CACNA1E: variants seen among roughly 807,000 people sequenced by gnomAD.
The protein encoded by CACNA1E is voltage-dependent R-type calcium channel subunit alpha-1E.
In CACNA1E, 40 loss-of-function variants were observed where a neutral mutation model predicts 259.2. The observed-to-expected ratio is 0.15, with a 90% CI of 0.12 to 0.20. The LOEUF is 0.20. Ranked by LOEUF, CACNA1E falls within the 10% of genes least tolerant of loss-of-function variation. The pLI, the probability that CACNA1E is intolerant of heterozygous loss-of-function variation, is 1.00. For missense variants in CACNA1E, 1,874 were observed against 3,040.1 expected, an observed-to-expected ratio of 0.62 and a Z score of 9.02; for synonymous variants, 1,104 against 1,138.5, an observed-to-expected ratio of 0.97 and a Z score of 0.61.
At chr1:181,428,181 C>A (rs559177439) in intron 2 of CACNA1E, among the ~76,000 whole-genome samples, 3 of 152,212 alleles carry the variant, frequency 2.0e-5, no homozygotes, top group African/African-American at 7.2e-5. Context: ...TCTCTCAACA[C>A]CCCTCCTCAG....
rs746202131 is a variant in CACNA1E at position 181,784,788 on chromosome 1, T to C, written c.5578+20T>C. 2.1e-6 allele frequency: 3 copies of C among 1,420,080 alleles called. No homozygotes were observed. The highest frequency in any genetic ancestry group is 2.9e-6 in the Non-Finnish European group (3 of 1,026,322). The allele number at this position is 1,420,080 out of a possible 1,614,324, so 88.0% of individuals were successfully genotyped here. ...CCAAAGGTTTGGGTCTTCTCCTGGG[T>C]ATCCTTGTCACTGTGGGCCCAGCAT... On this transcript the variant is annotated intron_variant, in intron 41 of 47. Coordinates refer to ENST00000367573, the MANE Select transcript of CACNA1E (RefSeq NM_001205293.3).
chr1:181,510,652 ACT>A lies in CACNA1E; in HGVS notation c.372+74_372+75del, dbSNP rs543922792. On this transcript the variant is annotated intron_variant, in intron 2 of 47. Coordinates refer to ENST00000367573, the MANE Select transcript of CACNA1E (RefSeq NM_001205293.3). ...TTGGTTTCTTCTCCTCTGCTTTATC[ACT>A]CTCCCATTCCCTTCCTGCCTGTGAG... is the stretch of plus-strand genomic sequence containing the variant. The A allele has an allele frequency of 2.5e-4, 245 of 968,662 alleles. No individual in the cohort carries two copies. The African/African-American group carries it at 3.2e-3, about 12-fold the overall frequency. The allele number at this position is 968,662 out of a possible 1,614,324, so 60.0% of individuals were successfully genotyped here.
intron 1 of CACNA1E, among the ~76,000 whole-genome samples, chr1:181,400,331 A>G (rs1272260953): frequency 6.6e-6 from 1 of 152,056 alleles, no homozygotes; most frequent in African/African-American, 2.4e-5. Flanking sequence ...CATTCCTTTG[A>G]TGTATATACA....
chr1:181,521,868 G>T (rs745730312), intron 3 of CACNA1E, among the ~76,000 whole-genome samples: 1 of 152,040 alleles, frequency 6.6e-6, no homozygotes, highest in African/African-American at 2.4e-5. Context: ...GGCTAGAGGT[G>T]GGGGAGGCCA....
chr1:181,790,608 C>G, intron 44 of CACNA1E, 52 bp downstream of exon 44: 1 of 1,102,354 alleles, frequency 9.1e-7, no homozygotes, highest in South Asian at 1.2e-5. Context: ...TTTCCTGATC[C>G]CTCTCACTAA....
intron 2 of CACNA1E, among the ~76,000 whole-genome samples, chr1:181,434,264 T>C (rs1659923824): frequency 2.0e-5 from 3 of 152,234 alleles, no homozygotes. Context: ...TGGCAGATAG[T>C]AAATGATCCA....
At chr1:181,523,834 A>G (rs1055520160) in intron 3 of CACNA1E, among the ~76,000 whole-genome samples, 18 of 152,250 alleles carry the variant, frequency 1.2e-4, no homozygotes, top group African/African-American at 4.3e-4. Context: ...GCCTGATTTT[A>G]GTCAAGCTGG....
At chr1:181,614,949 CAT>C (rs1168752979) in intron 6 of CACNA1E, among the ~76,000 whole-genome samples, 2 of 152,064 alleles carry the variant, frequency 1.3e-5, no homozygotes, top group Admixed American at 6.6e-5. Flanking sequence ...GCAGTTCAAA[CAT>C]GTGTTGTTCA....
intron 3 of CACNA1E, among the ~76,000 whole-genome samples, chr1:181,562,691 T>C (rs1437663878): frequency 6.6e-6 from 1 of 152,210 alleles, no homozygotes; most frequent in Non-Finnish European, 1.5e-5. Flanking sequence ...GGACACTGGG[T>C]GTCAGCACTT....
At chr1:181,653,944 C>T (rs1023267731) in intron 7 of CACNA1E, among the ~76,000 whole-genome samples, 4 of 152,066 alleles carry the variant, frequency 2.6e-5, no homozygotes, top group Admixed American at 6.6e-5. Flanking sequence ...GCTTTTGTGC[C>T]GTGCTTTTAA....
intron 1 of CACNA1E, among the ~76,000 whole-genome samples, chr1:181,502,950 C>T (rs1417620466): frequency 6.6e-6 from 1 of 152,218 alleles, no homozygotes; most frequent in South Asian, 2.1e-4. Context: ...TCACTCGCCT[C>T]GGCCTCCCAA....
intron 1 of CACNA1E, among the ~76,000 whole-genome samples, chr1:181,500,291 C>CA (rs1220281193): frequency 6.6e-6 from 1 of 152,220 alleles, no homozygotes. Context: ...TGACACTCCC[C>CA]TGGGGATGTG....
chr1:181,385,360 C>T (rs1655765310), intron 1 of CACNA1E, among the ~76,000 whole-genome samples: 1 of 152,216 alleles, frequency 6.6e-6, no homozygotes, highest in Non-Finnish European at 1.5e-5. Context: ...TGATTATGAA[C>T]ATCTCCGATG....
intron 1 of CACNA1E, among the ~76,000 whole-genome samples, chr1:181,323,207 T>C (rs1180172510): frequency 6.6e-6 from 1 of 152,242 alleles, no homozygotes; most frequent in Admixed American, 6.5e-5. Flanking sequence ...CATGTGCTTT[T>C]TCCAGAAGGA....
At chr1:181,368,200 AG>A (rs1654419546) in intron 1 of CACNA1E, among the ~76,000 whole-genome samples, 1 of 152,136 alleles carries the variant, frequency 6.6e-6, no homozygotes, top group East Asian at 1.9e-4. Flanking sequence ...ACTGCACTCC[AG>A]CCTGGGTGAC....
intron 2 of CACNA1E, among the ~76,000 whole-genome samples, chr1:181,438,500 C>T (rs1485718390): frequency 1.3e-5 from 2 of 152,076 alleles, no homozygotes; most frequent in African/African-American, 2.4e-5. Flanking sequence ...TTAAAAATAC[C>T]ATTTGCTTTT....
intron 2 of CACNA1E, among the ~76,000 whole-genome samples, chr1:181,448,812 C>T (rs1247833799): frequency 6.6e-6 from 1 of 152,194 alleles, no homozygotes; most frequent in African/African-American, 2.4e-5. Context: ...GAGGGCATAC[C>T]AGTCGGAAAG....
intron 25 of CACNA1E, among the ~76,000 whole-genome samples, chr1:181,747,941 C>G (rs549822101): frequency 4.6e-5 from 7 of 152,250 alleles, no homozygotes; most frequent in African/African-American, 1.4e-4. Context: ...TTTCTTGACT[C>G]CAGGGCTTTG....
chr1:181,464,056 A>C (rs1014348487), intron 2 of CACNA1E, among the ~76,000 whole-genome samples: 6 of 152,060 alleles, frequency 3.9e-5, no homozygotes, highest in African/African-American at 1.4e-4. Context: ...CCATTTAGTG[A>C]GTAGGCAATT....
Sources: allele counts gnomAD v4.1 joint callset (sites outside exome capture counted in the v4.1 genomes callset), GRCh38; gene constraint gnomAD v4.1.1; transcripts MANE v1.5; gene names NCBI Gene and HGNC (gene_info 2026-07-23, HGNC 2026-07-21).